ESR1: variants seen among roughly 807,000 people sequenced by gnomAD.
ESR1 encodes the protein estrogen receptor 1, also known as estrogen receptor.
A neutral mutation model predicts 52.7 loss-of-function variants in ESR1; 12 were observed. The observed-to-expected ratio is 0.23, with a 90% CI of 0.15 to 0.37. The LOEUF (loss-of-function observed/expected upper bound fraction) is 0.37, where lower values mean the gene tolerates loss of function less well. ESR1 is among the 10% of genes least tolerant of loss of function. ESR1 has a pLI of 1.00. For synonymous variants in ESR1, 305 were observed against 316.8 expected, an observed-to-expected ratio of 0.96 and a Z score of 0.39; for missense variants, 584 against 779.7, an observed-to-expected ratio of 0.75 and a Z score of 2.99.
At chr6:152,096,630 AG>A in intron 7 of ESR1, 1 of 456,032 alleles carries the variant, frequency 2.2e-6, no homozygotes, top group Non-Finnish European at 4.4e-6. Context: ...CTACTTGGTA[AG>A]AAGGTGATTG....
chr6:151,697,916 T>C (rs1299383089), intron 1 of ESR1, among the ~76,000 whole-genome samples: 2 of 151,982 alleles, frequency 1.3e-5, no homozygotes, highest in African/African-American at 4.8e-5. Flanking sequence ...CTGGCCAACA[T>C]GGTGAAACCC....
Position 152,099,173 on chromosome 6 carries a change from A to C in ESR1, c.*207A>C. Reference sequence around the variant, plus strand: ...GTTGGGAACAGCCAAAGGGATTCCAAGGCTAAATCTTTGTAACAGCTCTCT... The same window carrying C: ...GTTGGGAACAGCCAAAGGGATTCCACGGCTAAATCTTTGTAACAGCTCTCT... On this transcript the variant is annotated 3_prime_UTR_variant, in exon 8 of 8. Transcript: ENST00000206249. 1 of 603,834 alleles carries C rather than the reference A, an allele frequency of 1.7e-6. No homozygotes were observed. Among genetic ancestry groups the C allele is most frequent in the South Asian group, 1.9e-5 (1 of 52,868 alleles). 37.4% of individuals were successfully genotyped at this position (603,834 alleles called of 1,614,324 possible). A position where few individuals can be genotyped will look rare whatever the true frequency, so the allele number is the denominator to read the frequency against.
chr6:152,093,929 A>G (rs1234203214), intron 6 of ESR1, among the ~76,000 whole-genome samples: 1 of 152,070 alleles, frequency 6.6e-6, no homozygotes, highest in Admixed American at 6.5e-5. Flanking sequence ...ATTGGGTTTC[A>G]TCTAAGCTCT....
chr6:151,851,018 G>A (rs143670418), intron 2 of ESR1, among the ~76,000 whole-genome samples: 7 of 152,178 alleles, frequency 4.6e-5, no homozygotes, highest in East Asian at 3.9e-4. Context: ...ATGTCAATAC[G>A]CAGTACAAGA....
At chr6:151,687,055 G>A (rs1162933952), upstream of ESR1, among the ~76,000 whole-genome samples, 4 of 152,104 alleles carry the variant, frequency 2.6e-5, no homozygotes, top group Non-Finnish European at 2.9e-5. Context: ...TGTCCTTTGC[G>A]GCTCATGACC....
intron 3 of ESR1, among the ~76,000 whole-genome samples, chr6:151,885,886 A>C (rs1048511645): frequency 2.6e-5 from 4 of 152,166 alleles, no homozygotes; most frequent in African/African-American, 9.7e-5. Context: ...CAAATAAATA[A>C]ATTTTACTTA....
chr6:151,687,893 G>T (rs1778751990), upstream of ESR1, among the ~76,000 whole-genome samples: 1 of 152,144 alleles, frequency 6.6e-6, no homozygotes, highest in Non-Finnish European at 1.5e-5. Flanking sequence ...AAAAATGTGT[G>T]TGAGGGAATC....
intron 1 of ESR1, among the ~76,000 whole-genome samples, chr6:151,823,933 C>G (rs1320303688): frequency 6.6e-6 from 1 of 152,174 alleles, no homozygotes; most frequent in African/African-American, 2.4e-5. Flanking sequence ...AATAAACATA[C>G]ATGTGCATGT....
chr6:151,966,943 C>T (rs575128780), intron 4 of ESR1, among the ~76,000 whole-genome samples: 1 of 152,288 alleles, frequency 6.6e-6, no homozygotes, highest in South Asian at 2.1e-4. Context: ...TTTGCTGTCA[C>T]TGTAGTGGGA....
intron 6 of ESR1, among the ~76,000 whole-genome samples, chr6:152,118,905 A>T (rs1489295915): frequency 6.6e-6 from 1 of 152,104 alleles, no homozygotes; most frequent in Non-Finnish European, 1.5e-5. Context: ...TGAGAGATTA[A>T]TGTCTGTTGC....
intron 2 of ESR1, among the ~76,000 whole-genome samples, chr6:151,719,354 G>T (rs757804816): frequency 6.6e-6 from 1 of 152,182 alleles, no homozygotes; most frequent in African/African-American, 2.4e-5. Context: ...TGGAGGAAGG[G>T]TGCAAGAGTA....
intron 6 of ESR1, among the ~76,000 whole-genome samples, chr6:152,088,835 G>T (rs534037966): frequency 6.6e-6 from 1 of 152,074 alleles, no homozygotes. Context: ...TAAAACACAC[G>T]CCAAGAAAAT....
chr6:152,079,276 G>C (rs1453747604), intron 6 of ESR1, among the ~76,000 whole-genome samples: 2 of 152,188 alleles, frequency 1.3e-5, no homozygotes, highest in Non-Finnish European at 2.9e-5. Context: ...CTGGGACGAA[G>C]CTTCCAGAGG....
At chr6:151,751,140 T>C (rs546484829) in intron 2 of ESR1, among the ~76,000 whole-genome samples, 2 of 152,336 alleles carry the variant, frequency 1.3e-5, no homozygotes, top group East Asian at 3.9e-4. Flanking sequence ...CTTTGCCATA[T>C]GATCCTAGAC....
intron 5 of ESR1, among the ~76,000 whole-genome samples, chr6:152,027,663 C>T (rs2044268871): frequency 6.6e-6 from 1 of 152,024 alleles, no homozygotes; most frequent in African/African-American, 2.4e-5. Flanking sequence ...ATTTTCTTTC[C>T]CTCATTAGTG....
chr6:151,692,692 T>A (rs1245514953), intron 1 of ESR1, among the ~76,000 whole-genome samples: 1 of 152,178 alleles, frequency 6.6e-6, no homozygotes, highest in African/African-American at 2.4e-5. Context: ...ACTGTACAGG[T>A]AAGAGTGATG....
At chr6:151,714,588 T>A (rs1044072818) in intron 2 of ESR1, among the ~76,000 whole-genome samples, 3 of 152,242 alleles carry the variant, frequency 2.0e-5, no homozygotes, top group African/African-American at 7.2e-5. Context: ...TACCATTATG[T>A]AATGCCCTTC....
intron 3 of ESR1, among the ~76,000 whole-genome samples, chr6:151,893,593 A>G (rs1795016882): frequency 6.6e-6 from 1 of 152,110 alleles, no homozygotes; most frequent in Admixed American, 6.5e-5. Flanking sequence ...TTTAACTAAT[A>G]TACCCCAAAT....
chr6:151,703,298 T>A (rs2115433469), intron 2 of ESR1, among the ~76,000 whole-genome samples: 1 of 152,324 alleles, frequency 6.6e-6, no homozygotes, highest in African/African-American at 2.4e-5. Flanking sequence ...GCTTAGCTAC[T>A]GTCCTCAAAA....
Sources: gnomAD v4.1 joint callset for allele counts (sites outside exome capture counted in the v4.1 genomes callset) on GRCh38, gnomAD v4.1.1 for gene constraint, MANE v1.5 for transcripts, NCBI Gene and HGNC (gene_info 2026-07-23, HGNC 2026-07-21) for gene names.